PRKCB: variants seen among roughly 807,000 people sequenced by gnomAD.
PRKCB encodes the protein protein kinase C beta type.
Under a neutral mutation model 81.5 loss-of-function variants are expected in PRKCB, and 13 were observed. The ratio of observed to expected loss-of-function variants is 0.16; its 90% CI spans 0.10 to 0.25. The LOEUF is 0.25. Ranked by LOEUF, PRKCB falls within the 10% of genes least tolerant of loss-of-function variation. The probability of loss-of-function intolerance (pLI) is 1.00; values close to 1 mark genes in which losing one functional copy is unlikely to be tolerated. For synonymous variants in PRKCB, 335 were observed against 321.4 expected (o/e 1.04, Z -0.45); for missense variants, 509 against 875.7 (o/e 0.58, Z 5.29).
At chr16:23,841,768 G>C (rs911678209) in intron 2 of PRKCB, among the ~76,000 whole-genome samples, 13 of 144,342 alleles carry the variant, frequency 9.0e-5, no homozygotes, top group African/African-American at 3.3e-4. Context: ...TGATTCTCGT[G>C]CCTCAGCCTC....
intron 8 of PRKCB, among the ~76,000 whole-genome samples, chr16:24,114,695 T>A (rs1184339820): frequency 2.0e-5 from 3 of 152,212 alleles, no homozygotes; most frequent in Non-Finnish European, 4.4e-5. Flanking sequence ...AAAAGCACAT[T>A]ATTTTGTTCC....
intron 2 of PRKCB, among the ~76,000 whole-genome samples, chr16:23,966,811 C>T (rs1299076255): frequency 1.3e-5 from 2 of 152,128 alleles, no homozygotes; most frequent in Non-Finnish European, 2.9e-5. Flanking sequence ...CATCTGGGGA[C>T]ACAGCAGAGA....
At chr16:23,898,295 G>A (rs1196094107) in intron 2 of PRKCB, among the ~76,000 whole-genome samples, 1 of 152,072 alleles carries the variant, frequency 6.6e-6, no homozygotes, top group Non-Finnish European at 1.5e-5. Flanking sequence ...TTGATCTCCT[G>A]ACCTCCAGTG....
At chr16:24,111,559 G>A (rs1211703002) in intron 7 of PRKCB, among the ~76,000 whole-genome samples, 3 of 152,030 alleles carry the variant, frequency 2.0e-5, no homozygotes, top group East Asian at 3.9e-4. Flanking sequence ...TGCTGAGGCA[G>A]GAGGATTGCT....
chr16:23,927,923 T>C (rs916561370), intron 2 of PRKCB, among the ~76,000 whole-genome samples: 21 of 151,942 alleles, frequency 1.4e-4, no homozygotes, highest in African/African-American at 4.8e-5. Context: ...GGCGTGGATC[T>C]GGGCTCAGGG....
At chr16:23,950,143 T>C (rs747348333) in intron 2 of PRKCB, among the ~76,000 whole-genome samples, 1 of 144,426 alleles carries the variant, frequency 6.9e-6, no homozygotes, top group Non-Finnish European at 1.5e-5. Flanking sequence ...TTTTTTTTTT[T>C]TTTTTTTTTT....
intron 2 of PRKCB, among the ~76,000 whole-genome samples, chr16:23,957,789 C>G (rs1444247341): frequency 6.6e-6 from 1 of 152,100 alleles, no homozygotes; most frequent in South Asian, 2.1e-4. Context: ...TCCGTAAACT[C>G]ACAGTTCCTT....
At chr16:23,916,786 G>A (rs1963747717) in intron 2 of PRKCB, among the ~76,000 whole-genome samples, 1 of 151,910 alleles carries the variant, frequency 6.6e-6, no homozygotes, top group African/African-American at 2.4e-5. Flanking sequence ...TTGAAACAGA[G>A]TCTGGCTTTG....
intron 2 of PRKCB, among the ~76,000 whole-genome samples, chr16:23,921,769 C>T (rs1963828750): frequency 6.6e-6 from 1 of 152,038 alleles, no homozygotes; most frequent in South Asian, 2.1e-4. Flanking sequence ...CAACTGTACT[C>T]CAGCAAGACT....
At chr16:23,986,482 G>A (rs1359872338) in intron 2 of PRKCB, among the ~76,000 whole-genome samples, 8 of 152,084 alleles carry the variant, frequency 5.3e-5, no homozygotes, top group Admixed American at 3.9e-4. Flanking sequence ...AAACTCCTGG[G>A]CTCAAGTGAT....
intron 10 of PRKCB, among the ~76,000 whole-genome samples, chr16:24,170,867 A>C (rs866607057): frequency 1.1e-4 from 16 of 152,250 alleles, no homozygotes; most frequent in African/African-American, 3.1e-4. Flanking sequence ...GGGCTTACAC[A>C]GCCAACAAGG....
chr16:24,142,240 C>G lies in PRKCB; in HGVS notation c.1066-12444C>G, dbSNP rs146273138. On this transcript the variant is annotated intron_variant, in intron 9 of 16. Coordinates refer to ENST00000643927, the MANE Select transcript of PRKCB (RefSeq NM_002738.7). ...ACTTGAACCTTCTATGACTATAATT[C>G]TAATTAGATATAAGCTTCCAGATCA... Among the ~76,000 whole-genome samples, 805 of 152,302 alleles carry G rather than the reference C, an allele frequency of 5.3e-3. 6 individuals are homozygous for G. Among genetic ancestry groups the G allele is most frequent in the African/African-American group, 0.018 (746 of 41,562 alleles).
chr16:24,195,767 A>G (rs893676071), intron 16 of PRKCB, among the ~76,000 whole-genome samples: 1 of 152,098 alleles, frequency 6.6e-6, no homozygotes, highest in Admixed American at 6.5e-5. Context: ...TCTCGTATCT[A>G]TTGCTCCTTG....
intron 1 of PRKCB, 107 bp downstream of exon 1, chr16:23,836,455 AC>A: frequency 6.9e-7 from 1 of 1,444,212 alleles, no homozygotes; most frequent in Non-Finnish European, 9.2e-7. Flanking sequence ...GCACCCTGGG[AC>A]CCCGCGTCTC....
At chr16:24,204,934 A>C (rs1968020346) in intron 16 of PRKCB, among the ~76,000 whole-genome samples, 1 of 152,082 alleles carries the variant, frequency 6.6e-6, no homozygotes, top group African/African-American at 2.4e-5. Flanking sequence ...AGCCTAGCCA[A>C]CATAGTGAAA....
chr16:23,873,903 C>T (rs947438989), intron 2 of PRKCB, among the ~76,000 whole-genome samples: 1 of 152,086 alleles, frequency 6.6e-6, no homozygotes, highest in Non-Finnish European at 1.5e-5. Flanking sequence ...TTTTAAAATA[C>T]CCTTTAGCAC....
chr16:24,156,228 T>C (rs1967153879), intron 10 of PRKCB, among the ~76,000 whole-genome samples: 1 of 152,190 alleles, frequency 6.6e-6, no homozygotes, highest in Non-Finnish European at 1.5e-5. Flanking sequence ...TATTTAATAG[T>C]TCTCAAGATA....
intron 3 of PRKCB, among the ~76,000 whole-genome samples, chr16:24,021,038 T>TTC (rs766018675): frequency 2.4e-5 from 2 of 82,174 alleles, no homozygotes; most frequent in Non-Finnish European, 5.6e-5. Flanking sequence ...CTTTCTTTCT[T>TTC]TCTCTTTCTT....
At chr16:23,866,981 TCCTTC>T (rs1193889168) in intron 2 of PRKCB, among the ~76,000 whole-genome samples, 1 of 66,116 alleles carries the variant, frequency 1.5e-5, no homozygotes, top group African/African-American at 6.4e-5. Flanking sequence ...TTCCTTCCCT[TCCTTC>T]CCTTCCTTCC....
Sources: gnomAD v4.1 joint callset for allele counts (sites outside exome capture counted in the v4.1 genomes callset) on GRCh38, gnomAD v4.1.1 for gene constraint, MANE v1.5 for transcripts, NCBI Gene and HGNC (gene_info 2026-07-23, HGNC 2026-07-21) for gene names.